The following TNKS variants were observed in gnomAD, a reference collection of about 807,000 sequenced individuals.
The protein encoded by TNKS is poly [ADP-ribose] polymerase tankyrase-1.
TNKS carries 72 observed loss-of-function variants against 135.8 expected under a neutral mutation model. The observed-to-expected ratio is 0.53, with a 90% CI of 0.44 to 0.64. The LOEUF (loss-of-function observed/expected upper bound fraction) is 0.64, where lower values mean the gene tolerates loss of function less well. TNKS is among the 30% of genes least tolerant of loss of function. The pLI is 0.00. For missense variants in TNKS, 1,769 were observed against 1,674.0 expected (o/e 1.06, Z -0.99); for synonymous variants, 849 against 649.3 (o/e 1.31, Z -4.68).
intron 5 of TNKS, among the ~76,000 whole-genome samples, chr8:9,689,152 T>C (rs1424700525): frequency 1.3e-5 from 2 of 152,202 alleles, no homozygotes; most frequent in African/African-American, 2.4e-5. Flanking sequence ...TGCCTTTTTT[T>C]CCTTTTATTA....
intron 3 of TNKS, among the ~76,000 whole-genome samples, chr8:9,664,287 G>C (rs767156603): frequency 3.3e-5 from 5 of 152,176 alleles, no homozygotes; most frequent in Admixed American, 2.6e-4. Flanking sequence ...AAGGGAGGAA[G>C]CAAAGTGATG....
At position 9,656,774 on chromosome 8, in the gene TNKS, G is replaced by A. The variant is rs202168769; in HGVS notation, c.995-23177G>A. On this transcript the variant is annotated intron_variant, in intron 3 of 26. Coordinates refer to ENST00000310430, the MANE Select transcript of TNKS (RefSeq NM_003747.3). ...TAGGCAGAGGACCCCACGGCCTTCC[G>A]CAGTGTTTGTGTCCCTGGGTACTTG... Among the ~76,000 whole-genome samples, 27 of 150,908 alleles carry A rather than the reference G, an allele frequency of 1.8e-4. No homozygotes were observed. The East Asian group carries it at 2.5e-3, about 14-fold the overall frequency.
rs187804458 is a variant in TNKS, at chr8:9,567,954, G to A, written c.673+11342G>A. ...TACCACATTTAAGTGAAAAAAAAGG[G>A]GGGTATCATAGTGGACATTTTAGCC... On this transcript the variant is annotated intron_variant, in intron 1 of 26. Coordinates refer to ENST00000310430, the MANE Select transcript of TNKS (RefSeq NM_003747.3). Among the ~76,000 whole-genome samples the A allele has an allele frequency of 7.0e-4, 107 of 152,196 alleles. 1 individual carries two copies. Among genetic ancestry groups the A allele is most frequent in the Admixed American group, 1.2e-3 (19 of 15,288 alleles).
chr8:9,763,267 C>A, intron 22 of TNKS, 23 bp downstream of exon 22: 2 of 1,482,946 alleles, frequency 1.3e-6, no homozygotes, highest in South Asian at 1.3e-5. Flanking sequence ...AGAAATCTTT[C>A]ATTTGCTTTT....
chr8:9,693,236 G>T (rs575497181), intron 5 of TNKS, among the ~76,000 whole-genome samples: 1 of 152,146 alleles, frequency 6.6e-6, no homozygotes, highest in Admixed American at 6.5e-5. Flanking sequence ...ATACTGTACA[G>T]CTCTTACAAA....
chr8:9,688,721 G>A (rs1407108125), intron 5 of TNKS, among the ~76,000 whole-genome samples: 2 of 151,996 alleles, frequency 1.3e-5, no homozygotes, highest in Non-Finnish European at 1.5e-5. Flanking sequence ...CTCACTGCAA[G>A]CTCCGCCTCC....
chr8:9,760,317 T>C lies in TNKS; in HGVS notation c.3154-1199T>C, dbSNP rs550083654. Among the ~76,000 whole-genome samples, 35 of 152,316 alleles carry C rather than the reference T, an allele frequency of 2.3e-4. 2 individuals carry two copies. In the South Asian group the frequency reaches 7.3e-3, roughly 32 times the overall value. On this transcript the variant is annotated intron_variant, in intron 20 of 26. Transcript: ENST00000310430. ...CCCGCTTTGTGCAATGAAGCAATTA[T>C]TGCTTAAATGGCCACTTAGAAGCAA...
At chr8:9,562,548 C>T (rs1266934309) in intron 1 of TNKS, among the ~76,000 whole-genome samples, 4 of 152,078 alleles carry the variant, frequency 2.6e-5, no homozygotes, top group Non-Finnish European at 4.4e-5. Context: ...ATCAATCTGC[C>T]TTTATATTTA....
At chr8:9,698,835 G>A (rs1189118731) in intron 5 of TNKS, among the ~76,000 whole-genome samples, 2 of 152,180 alleles carry the variant, frequency 1.3e-5, no homozygotes, top group African/African-American at 4.8e-5. Context: ...ACAAATGCAA[G>A]TTTGTTTTTT....
At chr8:9,668,012 C>G (rs1198343285) in intron 3 of TNKS, among the ~76,000 whole-genome samples, 1 of 152,116 alleles carries the variant, frequency 6.6e-6, no homozygotes, top group East Asian at 1.9e-4. Context: ...GAGTTTAGAG[C>G]TAGCATGCTA....
chr8:9,723,161 T>TC (rs1360646249), intron 12 of TNKS, among the ~76,000 whole-genome samples: 6 of 151,644 alleles, frequency 4.0e-5, no homozygotes, highest in African/African-American at 7.3e-5. Flanking sequence ...AAGGTTTTTT[T>TC]TTTTTGTAAT....
At position 9,763,215 on chromosome 8, in the gene TNKS, G is replaced by T. The variant is rs1302121067; in HGVS notation, c.3343G>T (p.Asp1115Tyr). ...GATTTTGCTGGATCTTGCTCCAGAA[G>T]ATAAAGAATATCAGTCAGTGGAAGA... Reference protein sequence around the residue: ...GTILLDLAPEDKEYQSVEEEM... With the variant: ...GTILLDLAPEYKEYQSVEEEM... The change falls in exon 22 of 27, where the codon GAT becomes TAT. Residue 1115 changes from aspartate (D) to tyrosine (Y), a missense_variant. Physicochemically the swap from Asp to Tyr is radical, Grantham distance 160. Coordinates refer to ENST00000310430, the MANE Select transcript of TNKS (RefSeq NM_003747.3). 1 of 1,607,788 alleles carries T rather than the reference G, an allele frequency of 6.2e-7. No individual in the cohort carries two copies. Among genetic ancestry groups the T allele is most frequent in the East Asian group, 2.2e-5 (1 of 44,782 alleles).
intron 3 of TNKS, among the ~76,000 whole-genome samples, chr8:9,634,653 G>C (rs1482935240): frequency 6.6e-6 from 1 of 152,162 alleles, no homozygotes; most frequent in African/African-American, 2.4e-5. Flanking sequence ...GATTTGGATT[G>C]AAGTTGTAGG....
At chr8:9,577,745 TC>T (rs1798008087) in intron 1 of TNKS, among the ~76,000 whole-genome samples, 1 of 152,084 alleles carries the variant, frequency 6.6e-6, no homozygotes, top group Non-Finnish European at 1.5e-5. Context: ...GGTCCCTGGC[TC>T]CTCCCAAATC....
chr8:9,615,716 T>A (rs1178960088), intron 3 of TNKS, 39 bp downstream of exon 3: 14 of 1,491,826 alleles, frequency 9.4e-6, no homozygotes, highest in Non-Finnish European at 1.3e-5. Context: ...TATATCTGTG[T>A]AACTCCTTAC....
At chr8:9,622,721 A>G (rs1799910799) in intron 3 of TNKS, among the ~76,000 whole-genome samples, 2 of 152,224 alleles carry the variant, frequency 1.3e-5, no homozygotes, top group Admixed American at 6.5e-5. Flanking sequence ...TAGATTAAAG[A>G]TTATTCCTTT....
intron 6 of TNKS, among the ~76,000 whole-genome samples, chr8:9,705,717 T>G (rs995046032): frequency 3.9e-5 from 6 of 152,158 alleles, no homozygotes; most frequent in African/African-American, 1.4e-4. Flanking sequence ...GTACAATAGG[T>G]GAGTCATCAA....
intron 5 of TNKS, among the ~76,000 whole-genome samples, chr8:9,681,337 A>T (rs1213686809): frequency 6.6e-6 from 1 of 152,160 alleles, no homozygotes; most frequent in East Asian, 1.9e-4. Flanking sequence ...AGATTAAAAC[A>T]GAGAGGAATA....
chr8:9,603,602 T>G (rs1799104069), intron 2 of TNKS, among the ~76,000 whole-genome samples: 1 of 152,208 alleles, frequency 6.6e-6, no homozygotes, highest in South Asian at 2.1e-4. Flanking sequence ...TACCTGTTCT[T>G]AAATCTCTAT....
Sources: allele counts gnomAD v4.1 joint callset (sites outside exome capture counted in the v4.1 genomes callset), GRCh38; gene constraint gnomAD v4.1.1; transcripts MANE v1.5; gene names NCBI Gene and HGNC (gene_info 2026-07-23, HGNC 2026-07-21).